Variants in USP19 observed in about 807,000 individuals in gnomAD.
USP19 encodes the protein ubiquitin carboxyl-terminal hydrolase 19.
Under a neutral mutation model 144.8 loss-of-function variants are expected in USP19, and 40 were observed. That is an observed-to-expected ratio of 0.28 (90% confidence interval 0.21 to 0.36). USP19 has a LOEUF of 0.36. Among genes scored for constraint, USP19 ranks in the 10% least tolerant of loss-of-function variants. USP19 has a pLI of 1.00. For synonymous variants in USP19, 701 were observed against 709.3 expected (o/e 0.99, Z 0.19); for missense variants, 1,518 against 1,822.5 (o/e 0.83, Z 3.04).
Position 49,114,227 on chromosome 3 carries a change from T to G in USP19, c.2350A>C (p.Lys784Gln). 1 of 1,614,174 alleles carries G rather than the reference T, an allele frequency of 6.2e-7. No homozygotes were observed. Among genetic ancestry groups the G allele is most frequent in the Non-Finnish European group, 8.5e-7 (1 of 1,180,034 alleles). The change falls in exon 16 of 27, where the codon AAG becomes CAG. Residue 784 changes from lysine (K) to glutamine (Q), a missense_variant. By Grantham distance (53) the Lys-to-Gln change is moderately conservative. This residue lies in a region of USP19 where 413 missense variants were observed against 515.8 expected (regional missense o/e 0.80). Transcript: ENST00000417901. This position sits in a 1 kb window ranked among gnomAD's most constrained non-coding sequence, Gnocchi z 4.5. ...YLPVPLPQKQ[K>Q]VLPVFYFARE... The stretch of plus-strand genomic sequence containing the variant: ...GCAAAATAAAAGACAGGGAGAACCT[T>G]TTGCTTTTGTGGCAAGGGCACCGGC...
In USP19 at chr3:49,108,937, A is replaced by T. The variant is rs1403519649; in HGVS notation, c.4039-409T>A. The T allele has an allele frequency of 6.3e-7, 1 of 1,597,502 alleles. No homozygotes were observed. On this transcript the variant is annotated intron_variant, in intron 26 of 26. Coordinates refer to ENST00000417901, the MANE Select transcript of USP19 (RefSeq NM_001199161.2). This position sits in a 1 kb window ranked among gnomAD's most constrained non-coding sequence, Gnocchi z 4.8. The stretch of plus-strand genomic sequence containing the variant: ...GGGGCAGGCAGGTAGGCCAGCTCAC[A>T]GCAGCTGCCTGCAGGCGAGCTCATC...
chr3:49,110,055 C>T lies in USP19; in HGVS notation c.4038+129G>A. Reference sequence around the variant, plus strand: ...GGCTAAAGCTTTGATGTTAAGAGAACTCTGCAATTCTCATGAATCCCAAGG... The same window carrying T: ...GGCTAAAGCTTTGATGTTAAGAGAATTCTGCAATTCTCATGAATCCCAAGG... On this transcript the variant is annotated intron_variant, in intron 26 of 26. Coordinates refer to ENST00000417901, the MANE Select transcript of USP19 (RefSeq NM_001199161.2). The surrounding 1 kb of genome is among the most constrained non-coding windows in gnomAD (Gnocchi z 6.1). The T allele has an allele frequency of 8.8e-7, 1 of 1,132,546 alleles. No individual in the cohort carries two copies. Among genetic ancestry groups the T allele is most frequent in the Non-Finnish European group, 1.2e-6 (1 of 846,146 alleles). The allele number at this position is 1,132,546 out of a possible 1,614,324, so 70.2% of individuals were successfully genotyped here. A position where few individuals can be genotyped will look rare whatever the true frequency, so the allele number is the denominator to read the frequency against.
In USP19 at chr3:49,114,284, C is replaced by T; in HGVS notation, c.2293G>A (p.Val765Ile). Reference protein sequence around the residue: ...SKLVCPVCAKVSITFDPFLYL... With the variant: ...SKLVCPVCAKISITFDPFLYL... Reference sequence around the variant, plus strand: ...AGAAACGGGTCAAAAGTGATGGAGACCTGTGGATGTAGAGGTGGCACTGGG... The same window carrying T: ...AGAAACGGGTCAAAAGTGATGGAGATCTGTGGATGTAGAGGTGGCACTGGG... Residue 765 changes from valine to isoleucine, a missense_variant and splice_region_variant, in exon 16 of 27, where the codon GTC becomes ATC. Val to Ile is a conservative substitution (Grantham distance 29). This residue lies in a region of USP19 where 158 missense variants were observed against 277.3 expected (regional missense o/e 0.57). Coordinates refer to ENST00000417901, the MANE Select transcript of USP19 (RefSeq NM_001199161.2). The surrounding 1 kb of genome is among the most constrained non-coding windows in gnomAD (Gnocchi z 4.5). The T allele has an allele frequency of 6.2e-7, 1 of 1,613,938 alleles. No homozygotes were observed. The highest frequency in any genetic ancestry group is 8.5e-7 in the Non-Finnish European group (1 of 1,179,852).
chr3:49,112,562 T>C lies in USP19; in HGVS notation c.2573A>G (p.Asp858Gly), dbSNP rs1449213470. 1.9e-6 allele frequency: 3 copies of C among 1,614,034 alleles called. No individual in the cohort carries two copies. The highest frequency in any genetic ancestry group is 2.2e-5 in the South Asian group (2 of 91,078). ...TAGCAGCTCAAAGCAGAGGAGCGTA[T>C]CAGATGGGGACACAGTGTCCAGTGA... ...SHSLDTVSPS[D>G]TLLCFELLSS... The change falls in exon 18 of 27, where the codon GAT becomes GGT. Residue 858 changes from aspartate (D) to glycine (G), a missense_variant. Physicochemically the swap from Asp to Gly is moderately conservative, Grantham distance 94. Around this residue, in one of 5 missense-constraint regions of USP19, gnomAD observed 413 missense variants for 515.8 expected, o/e 0.80. Transcript: ENST00000417901. The surrounding 1 kb of genome is among the most constrained non-coding windows in gnomAD (Gnocchi z 4.9).
Position 49,110,455 on chromosome 3 carries a change from C to T in USP19, c.3848G>A (p.Arg1283His), listed in dbSNP as rs775525153. 13 of 1,614,022 alleles carry T rather than the reference C, an allele frequency of 8.1e-6. No individual in the cohort carries two copies. The highest frequency in any genetic ancestry group is 4.5e-5 in the East Asian group (2 of 44,892). ...ARLPNDRSSQ[R>H]SDVGWRLFDD... ...GTGTGTGCCCTCACCCACGTCACTG[C>T]GCTGACTGCTACGATCATTGGGCAG... Residue 1283 changes from arginine to histidine, a missense_variant, in exon 25 of 27, where the codon CGC (arginine) becomes CAC (histidine). By Grantham distance (29) the Arg-to-His change is conservative. Around this residue, in one of 5 missense-constraint regions of USP19, gnomAD observed 122 missense variants for 200.4 expected, o/e 0.61. Coordinates refer to ENST00000417901, the MANE Select transcript of USP19 (RefSeq NM_001199161.2). The surrounding 1 kb of genome is among the most constrained non-coding windows in gnomAD (Gnocchi z 6.1).
Position 49,111,258 on chromosome 3 carries a change from T to C in USP19, c.3325A>G (p.Lys1109Glu). The change falls in exon 22 of 27, where the codon AAA (lysine) becomes GAA (glutamate). Residue 1109 changes from lysine to glutamate, a missense_variant. This residue lies in a region of USP19 where 413 missense variants were observed against 515.8 expected (regional missense o/e 0.80). Coordinates refer to ENST00000417901, the MANE Select transcript of USP19 (RefSeq NM_001199161.2). This position sits in a 1 kb window ranked among gnomAD's most constrained non-coding sequence, Gnocchi z 5.9. ...SSNREQRLED[K>E]GDTPLELGDD... ...TCCCACCCACAGCCTCAGACACCTT[T>C]GTCCTCTAGCCGCTGCTCTCGGTTG... is the stretch of plus-strand genomic sequence containing the variant. 1.2e-6 allele frequency: 2 copies of C among 1,614,118 alleles called. No homozygotes were observed. The highest frequency in any genetic ancestry group is 2.2e-5 in the South Asian group (2 of 91,074).
At position 49,117,532 on chromosome 3, in the gene USP19, T is replaced by C; in HGVS notation, c.511A>G (p.Lys171Glu). The change falls in exon 5 of 27, where the codon AAA (lysine) becomes GAA (glutamate). Residue 171 changes from lysine (K) to glutamate (E), a missense_variant. By Grantham distance (56) the Lys-to-Glu change is moderately conservative. Transcript: ENST00000417901. This position sits in a 1 kb window ranked among gnomAD's most constrained non-coding sequence, Gnocchi z 4.4. ...QWGGVFYAEI[K>E]SSCAKVQTRK... ...GTTTGCACTTTAGCACAAGAGCTTT[T>C]TATCTCAGCATAGAAGACACCACCC... 1 of 1,614,112 alleles carries C rather than the reference T, an allele frequency of 6.2e-7. No individual in the cohort carries two copies. Among genetic ancestry groups the C allele is most frequent in the Non-Finnish European group, 8.5e-7 (1 of 1,180,034 alleles).
Position 49,108,635 on chromosome 3 carries a change from G to A in USP19, c.4039-107C>T. The A allele has an allele frequency of 7.9e-7, 1 of 1,258,282 alleles. No homozygotes were observed. Among genetic ancestry groups the A allele is most frequent in the Non-Finnish European group, 1.0e-6 (1 of 997,570 alleles). The allele number at this position is 1,258,282 out of a possible 1,614,324, so 77.9% of individuals were successfully genotyped here. On this transcript the variant is annotated intron_variant, in intron 26 of 26. Coordinates refer to ENST00000417901, the MANE Select transcript of USP19 (RefSeq NM_001199161.2). The surrounding 1 kb of genome is among the most constrained non-coding windows in gnomAD (Gnocchi z 4.8). ...GCACCCAAGGGAGGGTCCCAAGGCA[G>A]GCGCAGACAGCAGCGGCGTTGAGAC...
chr3:49,115,608 G>A lies in USP19; in HGVS notation c.1724C>T (p.Pro575Leu). 6.2e-7 allele frequency: 1 copy of A among 1,609,418 alleles called. No homozygotes were observed. Among genetic ancestry groups the A allele is most frequent in the Non-Finnish European group, 8.5e-7 (1 of 1,177,670 alleles). ...PKPTCMVPPM[P>L]HSPVSGDSVE... Reference sequence around the variant, plus strand: ...GCTGTCTCCACTAACTGGGCTGTGGGGCATGGGAGGCACCATGCATGTAGG... The same window carrying A: ...GCTGTCTCCACTAACTGGGCTGTGGAGCATGGGAGGCACCATGCATGTAGG... The change falls in exon 12 of 27, where the codon CCC becomes CTC. Residue 575 changes from proline (P) to leucine (L), a missense_variant. By Grantham distance (98) the Pro-to-Leu change is moderately conservative. Coordinates refer to ENST00000417901, the MANE Select transcript of USP19 (RefSeq NM_001199161.2). This position sits in a 1 kb window ranked among gnomAD's most constrained non-coding sequence, Gnocchi z 6.6.
rs370597152 is a variant in USP19 at position 49,115,080 on chromosome 3, T to C, written c.2060A>G (p.Tyr687Cys). 15 of 1,614,086 alleles carry C rather than the reference T, an allele frequency of 9.3e-6. No individual in the cohort carries two copies. In the South Asian group the frequency reaches 1.1e-4, roughly 12 times the overall value. ...GAACTCCTGGGCATCATGCTGTGCATAGCCTGTGAACTGGCTGGCCTTACT... is the reference window on the plus strand; with the variant it reads ...GAACTCCTGGGCATCATGCTGTGCACAGCCTGTGAACTGGCTGGCCTTACT... Reference protein sequence around the residue: ...VASKASQFTGYAQHDAQEFMA... With the variant: ...VASKASQFTGCAQHDAQEFMA... Residue 687 changes from tyrosine (Y) to cysteine (C), a missense_variant, in exon 14 of 27, where the codon TAT becomes TGT. By Grantham distance (194) the Tyr-to-Cys change is radical. This residue lies in a region of USP19 where 158 missense variants were observed against 277.3 expected (regional missense o/e 0.57). Coordinates refer to ENST00000417901, the MANE Select transcript of USP19 (RefSeq NM_001199161.2). This position sits in a 1 kb window ranked among gnomAD's most constrained non-coding sequence, Gnocchi z 6.6.
At position 49,117,754 on chromosome 3, in the gene USP19, T is replaced by A; in HGVS notation, c.375A>T (p.Glu125Asp). ...CCACACGAAGCTTGACAATCACCTCTTCTGCACTCTGCCTCCAATCGAGCA... is the reference window on the plus strand; with the variant it reads ...CCACACGAAGCTTGACAATCACCTCATCTGCACTCTGCCTCCAATCGAGCA... ...ELLLDWRQSA[E>D]EVIVKLRVGV... The change falls in exon 4 of 27, where the codon GAA becomes GAT. Residue 125 changes from glutamate (E) to aspartate (D), a missense_variant. Around this residue, in one of 5 missense-constraint regions of USP19, gnomAD observed 707 missense variants for 728.9 expected, o/e 0.97. Coordinates refer to ENST00000417901, the MANE Select transcript of USP19 (RefSeq NM_001199161.2). The surrounding 1 kb of genome is among the most constrained non-coding windows in gnomAD (Gnocchi z 4.4). The A allele has an allele frequency of 6.2e-7, 1 of 1,614,152 alleles. No homozygotes were observed. Among genetic ancestry groups the A allele is most frequent in the Non-Finnish European group, 8.5e-7 (1 of 1,180,018 alleles).
chr3:49,111,422 ACCAGGCCCT>A lies in USP19; in HGVS notation c.3218-66_3218-58del, dbSNP rs2043130884. 1 of 1,612,958 alleles carries A rather than the reference ACCAGGCCCT, an allele frequency of 6.2e-7. No individual in the cohort carries two copies. Among genetic ancestry groups the A allele is most frequent in the African/African-American group, 1.3e-5 (1 of 75,026 alleles). On this transcript the variant is annotated intron_variant, in intron 21 of 26. Transcript: ENST00000417901. This position sits in a 1 kb window ranked among gnomAD's most constrained non-coding sequence, Gnocchi z 5.9. ...TGCCCATCAGGGCCTCACCAGGCCC[ACCAGGCCCT>A]AAACAACAGCCCCCTCCATCCTCCC...
In USP19 at chr3:49,117,065, G is replaced by A; in HGVS notation, c.903C>T (p.Ala301=). Residue 301 remains alanine, a synonymous_variant, in exon 6 of 27, where the codon GCC becomes GCT. Transcript: ENST00000417901. This position sits in a 1 kb window ranked among gnomAD's most constrained non-coding sequence, Gnocchi z 4.4. Reference sequence around the variant, plus strand: ...ACAGGTGCCCAGCTCTCACCTGGGTGGCTGGGTCAGCCACGAAGGGTGGGG... The same window carrying A: ...ACAGGTGCCCAGCTCTCACCTGGGTAGCTGGGTCAGCCACGAAGGGTGGGG... ...GDAPPFVADP[A]TQVEADEQLC... is the part of the protein sequence containing the mutation. The A allele has an allele frequency of 6.6e-7, 1 of 1,516,888 alleles. No homozygotes were observed. Among genetic ancestry groups the A allele is most frequent in the Non-Finnish European group, 8.9e-7 (1 of 1,128,200 alleles). The allele number at this position is 1,516,888 out of a possible 1,614,324, so 94.0% of individuals were successfully genotyped here.
At position 49,116,155 on chromosome 3, in the gene USP19, T is replaced by C. The variant is rs746265659; in HGVS notation, c.1363A>G (p.Ile455Val). The C allele has an allele frequency of 1.2e-6, 2 of 1,613,880 alleles. No homozygotes were observed. Among genetic ancestry groups the C allele is most frequent in the Non-Finnish European group, 1.7e-6 (2 of 1,179,948 alleles). ...CAGAAGGTGCACTGCTCTGGCTCAA[T>C]CAGATTCCTGTGGGAAAAGGCTGAA... Reference protein sequence around the residue: ...FRWQVKLRNLIEPEQCTFCFT... With the variant: ...FRWQVKLRNLVEPEQCTFCFT... Residue 455 changes from isoleucine to valine, a missense_variant, in exon 10 of 27, where the codon ATT (isoleucine) becomes GTT (valine). By Grantham distance (29) the Ile-to-Val change is conservative (BLOSUM62 3). Around this residue, in one of 5 missense-constraint regions of USP19, gnomAD observed 707 missense variants for 728.9 expected, o/e 0.97. Transcript: ENST00000417901. This position sits in a 1 kb window ranked among gnomAD's most constrained non-coding sequence, Gnocchi z 5.0.
chr3:49,120,293 A>G (rs1239955975), intron 1 of USP19, among the ~76,000 whole-genome samples: 1 of 152,232 alleles, frequency 6.6e-6, no homozygotes, highest in Non-Finnish European at 1.5e-5. Flanking sequence ...TCTACAGGTC[A>G]GATGTGGTAC....
chr3:49,112,252 G>A lies in USP19; in HGVS notation c.2765+32C>T. Reference sequence around the variant, plus strand: ...CAGGGTGGCACATGGAAGGTGGAAAGAAAGGGTAGGGGAGACCATGGGGGT... The same window carrying A: ...CAGGGTGGCACATGGAAGGTGGAAAAAAAGGGTAGGGGAGACCATGGGGGT... On this transcript the variant is annotated intron_variant, in intron 19 of 26. Coordinates refer to ENST00000417901, the MANE Select transcript of USP19 (RefSeq NM_001199161.2). This position sits in a 1 kb window ranked among gnomAD's most constrained non-coding sequence, Gnocchi z 4.9. The A allele has an allele frequency of 6.3e-7, 1 of 1,583,162 alleles. No individual in the cohort carries two copies. Among genetic ancestry groups the A allele is most frequent in the Non-Finnish European group, 8.6e-7 (1 of 1,164,714 alleles).
At position 49,111,772 on chromosome 3, in the gene USP19, C is replaced by A; in HGVS notation, c.2945G>T (p.Arg982Leu). Residue 982 changes from arginine (R) to leucine (L), a missense_variant, in exon 21 of 27, where the codon CGC becomes CTC. Transcript: ENST00000417901. This position sits in a 1 kb window ranked among gnomAD's most constrained non-coding sequence, Gnocchi z 5.9. Reference protein sequence around the residue: ...SVFQPPFQPGRMALESQSPGC... With the variant: ...SVFQPPFQPGLMALESQSPGC... The stretch of plus-strand genomic sequence containing the variant: ...AGGGCTCTGAGACTCCAAGGCCATG[C>A]GGCCTGGCTGAAAGGGTGGCTGGAA... The A allele has an allele frequency of 3.2e-6, 5 of 1,553,896 alleles. No homozygotes were observed. Among genetic ancestry groups the A allele is most frequent in the Non-Finnish European group, 3.5e-6 (4 of 1,148,708 alleles).
Position 49,119,323 on chromosome 3 carries a change from C to G in USP19, c.-136-42G>C, listed in dbSNP as rs1042139287. On this transcript the variant is annotated intron_variant, in intron 1 of 26. Transcript: ENST00000417901. ...AGTGATCACTGCCAAGACCCAACAA[C>G]TTGCTCTTTAGCTACACCCAGGGCT... The G allele has an allele frequency of 5.2e-6, 4 of 775,702 alleles. No homozygotes were observed. The African/African-American group carries it at 7.0e-5, about 14-fold the overall frequency. 48.1% of individuals were successfully genotyped at this position (775,702 alleles called of 1,614,324 possible). A position where few individuals can be genotyped will look rare whatever the true frequency, so the allele number is the denominator to read the frequency against.
rs772933836 is a variant in USP19 at position 49,110,216 on chromosome 3, G to T, written c.4006C>A (p.Leu1336Ile). ...RAGHSEHHPD[L>I]GPAAEAAASQ... ...GCAGCAGCCTCAGCTGCAGGGCCTA[G>T]GTCTGGGTGGTGCTCAGAGTGACCT... The change falls in exon 26 of 27, where the codon CTA becomes ATA. Residue 1336 changes from leucine (L) to isoleucine (I), a missense_variant. Leu to Ile is a conservative substitution (Grantham distance 5). Coordinates refer to ENST00000417901, the MANE Select transcript of USP19 (RefSeq NM_001199161.2). This position sits in a 1 kb window ranked among gnomAD's most constrained non-coding sequence, Gnocchi z 6.1. The T allele has an allele frequency of 5.8e-6, 9 of 1,556,978 alleles. No individual in the cohort carries two copies. Among genetic ancestry groups the T allele is most frequent in the Non-Finnish European group, 6.9e-6 (8 of 1,151,642 alleles).
Sources: gnomAD v4.1 joint callset for allele counts (sites outside exome capture counted in the v4.1 genomes callset) on GRCh38, gnomAD v4.1.1 for gene constraint, gnomAD v4.1.1 regional missense constraint, Gnocchi (gnomAD v3.1) non-coding constraint, MANE v1.5 for transcripts, NCBI Gene and HGNC (gene_info 2026-07-23, HGNC 2026-07-21) for gene names.